The following ELAVL2 variants were observed in gnomAD, a reference collection of about 807,000 sequenced individuals.
ELAVL2 encodes ELAV-like protein 2.
ELAVL2 carries 4 observed loss-of-function variants against 34.6 expected under a neutral mutation model. The observed-to-expected ratio is 0.12, with a 90% CI of 0.06 to 0.26. The LOEUF is 0.26. Ranked by LOEUF, ELAVL2 falls within the 10% of genes least tolerant of loss-of-function variation. The probability of loss-of-function intolerance (pLI) is 1.00; values close to 1 mark genes in which losing one functional copy is unlikely to be tolerated. For missense variants in ELAVL2, 432 were observed against 442.8 expected (o/e 0.98, Z 0.22); for synonymous variants, 193 against 154.8 (o/e 1.25, Z -1.83).
At chr9:23,830,170 G>A (rs910386076), upstream of ELAVL2, 1 of 152,202 alleles carries the variant, frequency 6.6e-6, no homozygotes, top group Non-Finnish European at 1.5e-5. Context: ...TATCCCAGCT[G>A]GAATTGCAGC....
chr9:23,751,563 T>A (rs970850895), intron 2 of ELAVL2, among the ~76,000 whole-genome samples: 9 of 152,186 alleles, frequency 5.9e-5, no homozygotes, highest in African/African-American at 2.2e-4. Context: ...TCTCTGTATA[T>A]CTAGACTTGA....
chr9:23,735,300 G>A (rs2047607306), intron 2 of ELAVL2: 1 of 151,980 alleles, frequency 6.6e-6, no homozygotes, highest in Admixed American at 6.6e-5. Flanking sequence ...TTTGAGGCAA[G>A]GTCTCTCTCT....
chr9:23,716,097 T>C (rs955817711), intron 3 of ELAVL2, among the ~76,000 whole-genome samples: 2 of 142,810 alleles, frequency 1.4e-5, no homozygotes, highest in East Asian at 2.1e-4. Flanking sequence ...TTCTCACTCA[T>C]AGGTGGGAAG....
chr9:23,693,397 A>G (rs1563891225), intron 6 of ELAVL2, 51 bp downstream of exon 6: 1 of 1,609,678 alleles, frequency 6.2e-7, no homozygotes, highest in South Asian at 1.1e-5. Flanking sequence ...AATCAAAGAA[A>G]CCAATCAACT....
chr9:23,708,213 T>C (rs1357880588), intron 3 of ELAVL2, among the ~76,000 whole-genome samples: 2 of 152,202 alleles, frequency 1.3e-5, no homozygotes, highest in South Asian at 2.1e-4. Context: ...TTAGATTATA[T>C]ATAAACTTAC....
At chr9:23,769,669 G>A (rs946038071) in intron 1 of ELAVL2, among the ~76,000 whole-genome samples, 3 of 152,152 alleles carry the variant, frequency 2.0e-5, no homozygotes, top group East Asian at 3.9e-4. Flanking sequence ...CTAGCTCTAC[G>A]AATTCCTCAA....
intron 3 of ELAVL2, among the ~76,000 whole-genome samples, chr9:23,714,055 G>T (rs1488770800): frequency 6.6e-6 from 1 of 152,146 alleles, no homozygotes; most frequent in Non-Finnish European, 1.5e-5. Flanking sequence ...AACCATAAAT[G>T]TTTTAATCAT....
At chr9:23,792,962 C>A (rs702218) in intron 1 of ELAVL2, among the ~76,000 whole-genome samples, 26,321 of 151,768 alleles carry the variant, frequency 0.17, 3,957 homozygotes, top group African/African-American at 0.4. Context: ...TTTTTGTAGA[C>A]ACAGGGTCCT....
At chr9:23,790,654 G>C (rs985533618) in intron 1 of ELAVL2, among the ~76,000 whole-genome samples, 2 of 152,144 alleles carry the variant, frequency 1.3e-5, no homozygotes, top group South Asian at 2.1e-4. Flanking sequence ...AATTAGGCTG[G>C]AGCAAATAAC....
At chr9:23,834,776 C>A in the ELAVL2 span, among the ~76,000 whole-genome samples, 1 of 152,008 alleles carries the variant, frequency 6.6e-6, no homozygotes, top group African/African-American at 2.4e-5. Context: ...CATCTATCTG[C>A]CCTGTTATGT....
chr9:23,797,953 GA>G (rs992803892), intron 1 of ELAVL2, among the ~76,000 whole-genome samples: 11 of 151,020 alleles, frequency 7.3e-5, no homozygotes, highest in East Asian at 1.9e-4. Flanking sequence ...GAAAAGAAAA[GA>G]AAAAAAAAGT....
At chr9:23,819,967 C>A (rs892493823) in intron 1 of ELAVL2, among the ~76,000 whole-genome samples, 4 of 152,136 alleles carry the variant, frequency 2.6e-5, no homozygotes, top group Non-Finnish European at 4.4e-5. Flanking sequence ...ATAAAGAAGG[C>A]CCCTACCACA....
intron 1 of ELAVL2, among the ~76,000 whole-genome samples, chr9:23,809,460 T>C (rs1257959461): frequency 6.6e-6 from 1 of 152,138 alleles, no homozygotes; most frequent in Non-Finnish European, 1.5e-5. Flanking sequence ...TCAAAAGTAA[T>C]ATAAAAATTG....
chr9:23,820,851 C>A (rs1371623550), intron 1 of ELAVL2, among the ~76,000 whole-genome samples: 1 of 152,236 alleles, frequency 6.6e-6, no homozygotes, highest in Non-Finnish European at 1.5e-5. Context: ...AGAGCGCCCG[C>A]GCTTCCCGCG....
intron 1 of ELAVL2, among the ~76,000 whole-genome samples, chr9:23,787,262 ATT>A (rs750594918): frequency 7.1e-5 from 10 of 141,650 alleles, no homozygotes; most frequent in Admixed American, 1.4e-4. Context: ...TTTCATCCCC[ATT>A]TTTTTTTTTT....
chr9:23,786,802 A>AAAAAAAAAAAAAAAAAAAAAAAC (rs1554747169), intron 1 of ELAVL2, among the ~76,000 whole-genome samples: 1 of 127,330 alleles, frequency 7.9e-6, no homozygotes, highest in Admixed American at 8.1e-5. Context: ...AAAAAAAAAA[A>AAAAAAAAAAAAAAAAAAAAAAAC]AGAGAGAGAG....
intron 1 of ELAVL2, among the ~76,000 whole-genome samples, chr9:23,780,023 A>C (rs932777600): frequency 1.2e-4 from 14 of 116,092 alleles, no homozygotes; most frequent in African/African-American, 2.2e-4. Flanking sequence ...AAAAAAAAAA[A>C]AAAAAAAAAA....
At chr9:23,723,724 T>C (rs910074135) in intron 3 of ELAVL2, among the ~76,000 whole-genome samples, 5 of 152,134 alleles carry the variant, frequency 3.3e-5, no homozygotes, top group African/African-American at 1.2e-4. Flanking sequence ...TTTGCTTGAA[T>C]CTCTTCCTCA....
At chr9:23,751,426 T>A (rs1564272104) in intron 2 of ELAVL2, among the ~76,000 whole-genome samples, 1 of 152,056 alleles carries the variant, frequency 6.6e-6, no homozygotes, top group Non-Finnish European at 1.5e-5. Flanking sequence ...AATGAAGAAA[T>A]GCTTTAGATG....
Sources: gnomAD v4.1 joint callset for allele counts (sites outside exome capture counted in the v4.1 genomes callset) on GRCh38, gnomAD v4.1.1 for gene constraint, MANE v1.5 for transcripts, NCBI Gene and HGNC (gene_info 2026-07-23, HGNC 2026-07-21) for gene names.